ING4: variants seen among roughly 807,000 people sequenced by gnomAD.
ING4 encodes inhibitor of growth protein 4.
A neutral mutation model predicts 33.1 loss-of-function variants in ING4; 28 were observed. That is an observed-to-expected ratio of 0.85 (90% CI 0.63 to 1.16). The LOEUF (loss-of-function observed/expected upper bound fraction) is 1.16. Ranked by LOEUF, ING4 falls within the 50% of genes most tolerant of loss-of-function variation. The pLI is 0.00. For synonymous variants in ING4, 87 were observed against 104.4 expected (o/e 0.83, Z 1.02); for missense variants, 247 against 314.7 (o/e 0.78, Z 1.63).
chr12:6,652,193 A>T, intron 6 of ING4, 78 bp downstream of exon 6: 1 of 1,505,384 alleles, frequency 6.6e-7, no homozygotes, highest in Non-Finnish European at 9.1e-7. Flanking sequence ...CCAGTACTCA[A>T]CTGTGGGATT....
chr12:6,661,797 C>T (rs1949564141), intron 1 of ING4, among the ~76,000 whole-genome samples: 1 of 152,176 alleles, frequency 6.6e-6, no homozygotes, highest in African/African-American at 2.4e-5. Context: ...CTCAGTCATT[C>T]AGTCAGTCCT....
At position 6,653,218 on chromosome 12, in the gene ING4, A is replaced by G; in HGVS notation, c.276+12T>C. 6.2e-7 allele frequency: 1 copy of G among 1,613,804 alleles called. No individual in the cohort carries two copies. The highest frequency in any genetic ancestry group is 8.5e-7 in the Non-Finnish European group (1 of 1,179,812). ...ATGGGAAGTAGGTGGGGAGCCATGA[A>G]CAGGGCCATACCATCTCATAGGTCT... On this transcript the variant is annotated intron_variant, in intron 3 of 7. Transcript: ENST00000341550.
intron 1 of ING4, among the ~76,000 whole-genome samples, chr12:6,660,397 T>C (rs1045384545): frequency 2.6e-5 from 4 of 152,024 alleles, no homozygotes; most frequent in African/African-American, 9.7e-5. Context: ...TCACCTGAGG[T>C]TGGGAGTTTG....
intron 1 of ING4, among the ~76,000 whole-genome samples, chr12:6,659,531 G>C (rs1949478903): frequency 1.3e-5 from 2 of 150,496 alleles, no homozygotes; most frequent in South Asian, 4.2e-4. Flanking sequence ...ACAAAAATTA[G>C]GCCAGGCGCG....
chr12:6,656,685 C>T, intron 2 of ING4, 42 bp downstream of exon 2: 3 of 1,077,552 alleles, frequency 2.8e-6, no homozygotes, highest in Non-Finnish European at 4.1e-6. Flanking sequence ...TAAATGATTA[C>T]ACACACTCAT....
chr12:6,659,847 C>T (rs1032641309), intron 1 of ING4, among the ~76,000 whole-genome samples: 2 of 151,514 alleles, frequency 1.3e-5, no homozygotes, highest in African/African-American at 4.9e-5. Context: ...GGCATGGTGG[C>T]CTGTGGCTGT....
chr12:6,653,656 T>A (rs1949255783), intron 2 of ING4, among the ~76,000 whole-genome samples: 1 of 152,190 alleles, frequency 6.6e-6, no homozygotes, highest in Non-Finnish European at 1.5e-5. Context: ...AAGGGATCCT[T>A]TGCACACCAC....
rs1458910443 is a variant in ING4 at position 6,650,985 on chromosome 12, G to C, written c.*210C>G. The C allele has an allele frequency of 3.2e-6, 2 of 618,590 alleles. No individual in the cohort carries two copies. Among genetic ancestry groups the C allele is most frequent in the African/African-American group, 3.7e-5 (2 of 54,166 alleles). 38.3% of individuals were successfully genotyped at this position (618,590 alleles called of 1,614,324 possible). On this transcript the variant is annotated 3_prime_UTR_variant, in exon 8 of 8. Transcript: ENST00000341550. ...CCTCCGAAGGGAGAGGGCTGAAGGAGAGCACATACCGTTAGTGGCTGCGGC... is the reference window on the plus strand; with the variant it reads ...CCTCCGAAGGGAGAGGGCTGAAGGACAGCACATACCGTTAGTGGCTGCGGC...
chr12:6,653,302 G>C lies in ING4; in HGVS notation c.204C>G (p.Ile68Met). 6.2e-7 allele frequency: 1 copy of C among 1,614,156 alleles called. No homozygotes were observed. The highest frequency in any genetic ancestry group is 8.5e-7 in the Non-Finnish European group (1 of 1,180,036). The change falls in exon 3 of 8, where the codon ATC becomes ATG. Residue 68 changes from isoleucine to methionine, a missense_variant. This residue lies in a region of ING4 where 198 missense variants were observed against 221.2 expected (regional missense o/e 0.89). Transcript: ENST00000341550. ...SEEKLALLKQ[I>M]QEAYGKCKEF... is the part of the protein sequence containing the mutation. The stretch of plus-strand genomic sequence containing the variant: ...CCTTGCACTTGCCATAGGCTTCCTG[G>C]ATCTGTTTGAGAAGGGCCAATTTTT...
intron 6 of ING4, among the ~76,000 whole-genome samples, 183 bp downstream of exon 6, chr12:6,652,088 G>A (rs1949200391): frequency 6.6e-6 from 1 of 151,600 alleles, no homozygotes; most frequent in Non-Finnish European, 1.5e-5. Context: ...TCAAACTCCT[G>A]ACCTCACGTG....
chr12:6,652,005 G>A (rs1210324408), intron 6 of ING4, among the ~76,000 whole-genome samples: 1 of 151,452 alleles, frequency 6.6e-6, no homozygotes, highest in Non-Finnish European at 1.5e-5. Flanking sequence ...GATGACAGTC[G>A]TGTGCCACTA....
At position 6,653,220 on chromosome 12, in the gene ING4, A is replaced by G. The variant is rs745664771; in HGVS notation, c.276+10T>C. On this transcript the variant is annotated intron_variant, in intron 3 of 7. Coordinates refer to ENST00000341550, the MANE Select transcript of ING4 (RefSeq NM_016162.4). ...GGGAAGTAGGTGGGGAGCCATGAAC[A>G]GGGCCATACCATCTCATAGGTCTGC... 4 of 1,613,802 alleles carry G rather than the reference A, an allele frequency of 2.5e-6. No individual in the cohort carries two copies. The South Asian group carries it at 4.4e-5, about 18-fold the overall frequency.
intron 2 of ING4, among the ~76,000 whole-genome samples, chr12:6,654,331 C>CTTTT (rs1238643921): frequency 7.2e-6 from 1 of 138,986 alleles, no homozygotes; most frequent in Non-Finnish European, 1.6e-5. Context: ...CTCTATTTTT[C>CTTTT]TTTTTTTTTT....
chr12:6,661,429 T>TTTTTGGGG (rs1949548666), intron 1 of ING4, among the ~76,000 whole-genome samples: 1 of 148,306 alleles, frequency 6.7e-6, no homozygotes, highest in African/African-American at 2.5e-5. Flanking sequence ...TTTTTTTTTT[T>TTTTTGGGG]GAGAGGGACA....
chr12:6,651,350 C>T lies in ING4; in HGVS notation c.681G>A (p.Gly227=). 6.2e-7 allele frequency: 1 copy of T among 1,614,116 alleles called. No homozygotes were observed. The highest frequency in any genetic ancestry group is 8.5e-7 in the Non-Finnish European group (1 of 1,180,012). ...SIEWFHFACV[G]LTTKPRGKWF... is the part of the protein sequence containing the mutation. ...ATTTCCCCCGAGGCTTGGTTGTCAG[C>T]CCCACACAGGCAAAATGGAACCACT... Residue 227 remains glycine (G), a synonymous_variant, in exon 7 of 8, where the codon GGG becomes GGA. Transcript: ENST00000341550.
chr12:6,655,769 T>G (rs1949333430), intron 2 of ING4: 6 of 456,198 alleles, frequency 1.3e-5, no homozygotes, highest in South Asian at 9.6e-5. Flanking sequence ...TCCTTGAACA[T>G]GGCTACATAG....
chr12:6,655,502 ACT>A, intron 2 of ING4: 1 of 562,506 alleles, frequency 1.8e-6, no homozygotes, highest in Admixed American at 5.4e-5. Context: ...CTGTGAAGAC[ACT>A]GTTTATACTC....
intron 2 of ING4, 188 bp downstream of exon 2, chr12:6,656,539 A>G (rs181348751): frequency 1.5e-5 from 8 of 527,626 alleles, no homozygotes; most frequent in Admixed American, 4.3e-5. Flanking sequence ...ACAATACTCT[A>G]TTTGTTATGA....
chr12:6,658,881 G>A (rs1040996838), intron 1 of ING4, among the ~76,000 whole-genome samples: 3 of 152,112 alleles, frequency 2.0e-5, no homozygotes, highest in African/African-American at 7.2e-5. Context: ...TGGCCTCCTC[G>A]CACTGCCTCA....
Sources: gnomAD v4.1 joint callset for allele counts (sites outside exome capture counted in the v4.1 genomes callset) on GRCh38, gnomAD v4.1.1 for gene constraint, gnomAD v4.1.1 regional missense constraint, MANE v1.5 for transcripts, NCBI Gene and HGNC (gene_info 2026-07-23, HGNC 2026-07-21) for gene names.